The following SNW1 variants were observed in gnomAD, a reference collection of about 807,000 sequenced individuals.
SNW1 encodes the protein SNW domain containing 1, also known as SNW domain-containing protein 1.
Under a neutral mutation model 75.6 loss-of-function variants are expected in SNW1, and 9 were observed. That is an observed-to-expected ratio of 0.12 (90% CI 0.07 to 0.21). The LOEUF (loss-of-function observed/expected upper bound fraction) is 0.21. SNW1 is among the 10% of genes least tolerant of loss of function. SNW1 has a pLI of 1.00. For missense variants in SNW1, 409 were observed against 670.9 expected (o/e 0.61, Z 4.31); for synonymous variants, 200 against 219.1 (o/e 0.91, Z 0.77).
chr14:77,723,049 G>T, intron 11 of SNW1, 132 bp downstream of exon 11: 2 of 706,794 alleles, frequency 2.8e-6, no homozygotes, highest in Admixed American at 4.0e-5. Flanking sequence ...GGGTTTCATC[G>T]TGTTAGCCAG....
chr14:77,751,620 G>A, intron 2 of SNW1, 140 bp from the exon 3 acceptor site: 1 of 557,786 alleles, frequency 1.8e-6, no homozygotes, highest in Non-Finnish European at 2.9e-6. Flanking sequence ...CTCTTGTGGA[G>A]TTTACATTCT....
rs376424788 is a variant in SNW1 at position 77,722,885 on chromosome 14, C to A, written c.1130+296G>T. ...TGTGAGATGGAGTCTCGCTCTGTCG[C>A]CCAGGCTGGAATGCAGTGGCGTGAT... On this transcript the variant is annotated intron_variant, in intron 11 of 13. Transcript: ENST00000261531. 8.0e-5 allele frequency: 34 copies of A among 426,510 alleles called. No individual in the cohort carries two copies. The East Asian group carries it at 1.4e-3, about 17-fold the overall frequency. 26.4% of individuals were successfully genotyped at this position (426,510 alleles called of 1,614,324 possible).
At chr14:77,726,294 G>A (rs1309208250) in intron 10 of SNW1, among the ~76,000 whole-genome samples, 1 of 152,052 alleles carries the variant, frequency 6.6e-6, no homozygotes. Flanking sequence ...TTTTTAGAGT[G>A]TCTTCTACAA....
intron 10 of SNW1, among the ~76,000 whole-genome samples, chr14:77,728,134 T>G (rs176976): frequency 0.65 from 98,824 of 151,234 alleles, 32,600 homozygotes; most frequent in African/African-American, 0.72. Context: ...CTTTTCTGTA[T>G]GTTTGAAAAT....
At chr14:77,721,725 C>CAAAA (rs1353295126) in intron 11 of SNW1, among the ~76,000 whole-genome samples, 3 of 152,082 alleles carry the variant, frequency 2.0e-5, no homozygotes, top group African/African-American at 7.2e-5. Flanking sequence ...GAATCTTTTT[C>CAAAA]ATGCTTATTT....
chr14:77,730,484 C>A (rs2080619564), intron 10 of SNW1, among the ~76,000 whole-genome samples: 2 of 152,082 alleles, frequency 1.3e-5, no homozygotes, highest in Admixed American at 6.6e-5. Context: ...CACAAAATTT[C>A]TTGAATTATA....
intron 4 of SNW1, 24 bp from the exon 5 acceptor site, chr14:77,738,908 A>G: frequency 1.9e-6 from 3 of 1,609,926 alleles, no homozygotes; most frequent in South Asian, 2.2e-5. Flanking sequence ...TATCACATTG[A>G]GAGTTTGGAA....
At chr14:77,755,264 T>C in intron 1 of SNW1, 144 bp from the exon 2 acceptor site, 1 of 677,552 alleles carries the variant, frequency 1.5e-6, no homozygotes. Flanking sequence ...TTTATGGTAG[T>C]ACTCAATACT....
chr14:77,744,446 C>CAAAAAAAAAAAAAAAAAGAAAAAAAAAA (rs2080743379), intron 3 of SNW1, among the ~76,000 whole-genome samples: 1 of 82,964 alleles, frequency 1.2e-5, no homozygotes, highest in Non-Finnish European at 2.2e-5. Context: ...GTCTCCATCT[C>CAAAAAAAAAAAAAAAAAGAAAAAAAAAA]AAAAAAAAAA....
intron 3 of SNW1, among the ~76,000 whole-genome samples, chr14:77,743,282 T>C (rs1393656335): frequency 1.3e-5 from 2 of 152,108 alleles, no homozygotes; most frequent in African/African-American, 2.4e-5. Flanking sequence ...CATTTGGTTG[T>C]ATCAAGATTT....
At chr14:77,730,182 G>C (rs1249113703) in intron 10 of SNW1, among the ~76,000 whole-genome samples, 1 of 151,930 alleles carries the variant, frequency 6.6e-6, no homozygotes, top group Non-Finnish European at 1.5e-5. Flanking sequence ...CAGAAGTGAG[G>C]GCTATTTGAC....
chr14:77,724,549 ACT>A (rs1343160116), intron 10 of SNW1, among the ~76,000 whole-genome samples: 4 of 151,988 alleles, frequency 2.6e-5, no homozygotes, highest in Non-Finnish European at 4.4e-5. Context: ...CCACCATTCT[ACT>A]CTCTGCTTCC....
chr14:77,724,092 AACTTACTTT>A (rs2080565045), intron 10 of SNW1, among the ~76,000 whole-genome samples: 1 of 152,260 alleles, frequency 6.6e-6, no homozygotes. Flanking sequence ...TGCTGTCTTC[AACTTACTTT>A]GAAATGCAAT....
In SNW1 at chr14:77,751,446, T is replaced by C. The variant is rs1344578188; in HGVS notation, c.203A>G (p.His68Arg). 6.2e-7 allele frequency: 1 copy of C among 1,611,506 alleles called. No homozygotes were observed. The highest frequency in any genetic ancestry group is 8.5e-7 in the Non-Finnish European group (1 of 1,179,188). ...FGDGGAFPEI[H>R]VAQYPLDMGR... Reference sequence around the variant, plus strand: ...CATATCCAGTGGATACTGGGCCACATGGATCTCTGGAAAAGCACCTCCATC... The same window carrying C: ...CATATCCAGTGGATACTGGGCCACACGGATCTCTGGAAAAGCACCTCCATC... Residue 68 changes from histidine (H) to arginine (R), a missense_variant, in exon 3 of 14, where the codon CAT (histidine) becomes CGT (arginine). By Grantham distance (29) the His-to-Arg change is conservative. Around this residue, in one of 9 missense-constraint regions of SNW1, gnomAD observed 10 missense variants for 29.4 expected, o/e 0.34. Transcript: ENST00000261531.
At chr14:77,723,144 G>T in intron 11 of SNW1, 37 bp downstream of exon 11, 1 of 1,539,368 alleles carries the variant, frequency 6.5e-7, no homozygotes, top group Non-Finnish European at 9.0e-7. Flanking sequence ...ACTGCGCCCG[G>T]CCACCATGAT....
At chr14:77,733,102 G>A (rs998601631) in intron 8 of SNW1, among the ~76,000 whole-genome samples, 2 of 152,092 alleles carry the variant, frequency 1.3e-5, no homozygotes, top group Non-Finnish European at 2.9e-5. Context: ...TTACACCTAT[G>A]GTCTCATTTA....
At chr14:77,754,031 G>A (rs1353944446) in intron 2 of SNW1, among the ~76,000 whole-genome samples, 1 of 151,712 alleles carries the variant, frequency 6.6e-6, no homozygotes. Context: ...AAGGAAGCTT[G>A]TTCTTTTTAT....
chr14:77,748,355 C>T (rs565107150), intron 3 of SNW1, among the ~76,000 whole-genome samples: 101 of 152,144 alleles, frequency 6.6e-4, no homozygotes, highest in African/African-American at 2.3e-3. Context: ...CCACTATTGT[C>T]CTATGACCCT....
In SNW1 at chr14:77,754,977, C is replaced by T. The variant is rs1487168230; in HGVS notation, c.158G>A (p.Arg53Gln). 3 of 1,597,156 alleles carry T rather than the reference C, an allele frequency of 1.9e-6. No homozygotes were observed. The highest frequency in any genetic ancestry group is 2.6e-6 in the Non-Finnish European group (3 of 1,171,112). ...AAGATCTATATGTACCTCTAATAAC[C>T]GAGGTATCCAGCCTTTCCGGTATCC... ...PYGYRKGWIPRLLEDFGDGGA... is the reference protein window; with the variant it reads ...PYGYRKGWIPQLLEDFGDGGA... The change falls in exon 2 of 14, where the codon CGG becomes CAG. Residue 53 changes from arginine to glutamine, a missense_variant. Around this residue, in one of 9 missense-constraint regions of SNW1, gnomAD observed 73 missense variants for 68.3 expected, o/e 1.07. Transcript: ENST00000261531.
Sources: allele counts gnomAD v4.1 joint callset (sites outside exome capture counted in the v4.1 genomes callset), GRCh38; gene constraint gnomAD v4.1.1; regional missense constraint gnomAD v4.1.1; transcripts MANE v1.5; gene names NCBI Gene and HGNC (gene_info 2026-07-23, HGNC 2026-07-21).